The following MAPKAPK3 variants were observed in gnomAD, a reference collection of about 807,000 sequenced individuals.
MAPKAPK3 encodes the protein MAP kinase-activated protein kinase 3.
A neutral mutation model predicts 49.2 loss-of-function variants in MAPKAPK3; 35 were observed. That is an observed-to-expected ratio of 0.71 (90% CI 0.54 to 0.94). MAPKAPK3 has a LOEUF of 0.94. Among genes scored for constraint, MAPKAPK3 ranks in the 40% least tolerant of loss-of-function variants. The pLI is 0.00. For synonymous variants in MAPKAPK3, 178 were observed against 188.7 expected (o/e 0.94, Z 0.46); for missense variants, 398 against 493.1 (o/e 0.81, Z 1.83).
intron 2 of MAPKAPK3, among the ~76,000 whole-genome samples, chr3:50,628,839 T>C (rs1361027027): frequency 6.6e-6 from 1 of 152,184 alleles, no homozygotes; most frequent in Non-Finnish European, 1.5e-5. Flanking sequence ...AGTTCACAGA[T>C]GCAAGCTGGG....
At chr3:50,642,720 G>A (rs1172966040) in intron 5 of MAPKAPK3, among the ~76,000 whole-genome samples, 1 of 152,238 alleles carries the variant, frequency 6.6e-6, no homozygotes, top group African/African-American at 2.4e-5. Context: ...TTGCCCAGGG[G>A]CTGTGTAGTT....
rs549819350 is a variant in MAPKAPK3, at chr3:50,646,284, C to T, written c.829+20C>T. The stretch of plus-strand genomic sequence containing the variant: ...AGGATGGTGAGTGAACCTCTCTGTC[C>T]CAGCCTGACTCACCTGGCCCCTGCG... On this transcript the variant is annotated intron_variant, in intron 8 of 10. Transcript: ENST00000621469. 141 of 1,613,770 alleles carry T rather than the reference C, an allele frequency of 8.7e-5. No individual in the cohort carries two copies. The South Asian group carries it at 1.4e-3, about 17-fold the overall frequency.
intron 9 of MAPKAPK3, 90 bp downstream of exon 9, chr3:50,646,915 A>G: frequency 7.4e-7 from 1 of 1,350,748 alleles, no homozygotes; most frequent in African/African-American, 1.4e-5. Context: ...TTGAGGCCCC[A>G]GTGCAGGGCT....
intron 2 of MAPKAPK3, among the ~76,000 whole-genome samples, chr3:50,629,659 G>T (rs994533769): frequency 5.3e-5 from 8 of 152,162 alleles, no homozygotes; most frequent in African/African-American, 1.9e-4. Flanking sequence ...ATGGTCCCTG[G>T]TCTGGGGCAC....
At chr3:50,647,297 C>G in intron 10 of MAPKAPK3, 94 bp downstream of exon 10, 1 of 1,015,876 alleles carries the variant, frequency 9.8e-7, no homozygotes, top group Non-Finnish European at 1.5e-6. Context: ...GGGTCTTTGG[C>G]CCCTTTCTAT....
chr3:50,647,931 A>G lies in MAPKAPK3; in HGVS notation c.1034A>G (p.Asp345Gly). 6.2e-7 allele frequency: 1 copy of G among 1,614,006 alleles called. No homozygotes were observed. Among genetic ancestry groups the G allele is most frequent in the Non-Finnish European group, 8.5e-7 (1 of 1,179,984 alleles). ...AGTGCCTTGGCCACTATGCGGGTAGACTACGACCAGGTGAAGATCAAGGAC... is the reference window on the plus strand; with the variant it reads ...AGTGCCTTGGCCACTATGCGGGTAGGCTACGACCAGGTGAAGATCAAGGAC... The part of the protein sequence containing the change: ...MTSALATMRV[D>G]YDQVKIKDLK... Residue 345 changes from aspartate to glycine, a missense_variant, in exon 11 of 11, where the codon GAC becomes GGC. By Grantham distance (94) the Asp-to-Gly change is moderately conservative. Transcript: ENST00000621469.
chr3:50,644,276 CG>C, intron 5 of MAPKAPK3, 132 bp from the exon 6 acceptor site: 1 of 1,042,092 alleles, frequency 9.6e-7, no homozygotes, highest in Non-Finnish European at 1.4e-6. Flanking sequence ...GGGCAAGGCC[CG>C]GGTCTTTTTA....
intron 2 of MAPKAPK3, among the ~76,000 whole-genome samples, chr3:50,636,848 GC>G (rs2033051781): frequency 6.6e-6 from 1 of 152,074 alleles, no homozygotes; most frequent in Non-Finnish European, 1.5e-5. Flanking sequence ...GGATTTCTTG[GC>G]AGCTGGACCT....
intron 2 of MAPKAPK3, among the ~76,000 whole-genome samples, chr3:50,631,702 T>C (rs1486369784): frequency 1.3e-5 from 2 of 152,238 alleles, no homozygotes; most frequent in South Asian, 2.1e-4. Context: ...ATCTTAGAGA[T>C]GGCTGAGTCG....
At chr3:50,638,475 C>A (rs1174595516) in intron 2 of MAPKAPK3, among the ~76,000 whole-genome samples, 1 of 152,166 alleles carries the variant, frequency 6.6e-6, no homozygotes, top group East Asian at 1.9e-4. Flanking sequence ...AGCAAGGATC[C>A]ATGGTGTCCA....
In MAPKAPK3 at chr3:50,632,234, A is replaced by C. The variant is rs113368262; in HGVS notation, c.220-8132A>C. Among the ~76,000 whole-genome samples the C allele has an allele frequency of 4.6e-5, 7 of 152,360 alleles. 2 individuals are homozygous for C. Among genetic ancestry groups the C allele is most frequent in the African/African-American group, 1.7e-4 (7 of 41,588 alleles). On this transcript the variant is annotated intron_variant, in intron 2 of 10. Coordinates refer to ENST00000621469, the MANE Select transcript of MAPKAPK3 (RefSeq NM_001243925.2). The stretch of plus-strand genomic sequence containing the variant: ...CCCTTTTAGAATTTCGTCCTAGAAA[A>C]TGTTCAGTGAATATCTGTGCTCCTC...
chr3:50,613,254 G>A (rs1281850415), upstream of MAPKAPK3, among the ~76,000 whole-genome samples: 1 of 152,222 alleles, frequency 6.6e-6, no homozygotes, highest in Non-Finnish European at 1.5e-5. Flanking sequence ...AGGGAAGACA[G>A]GGCTCAGTTT....
chr3:50,624,382 G>A (rs1179078318), intron 2 of MAPKAPK3, among the ~76,000 whole-genome samples: 5 of 152,258 alleles, frequency 3.3e-5, no homozygotes, highest in African/African-American at 9.6e-5. Flanking sequence ...TTTCCCACTC[G>A]CAGACCTGTG....
intron 2 of MAPKAPK3, among the ~76,000 whole-genome samples, chr3:50,635,449 A>ATTTTTT (rs2033014161): frequency 2.9e-5 from 2 of 68,300 alleles, no homozygotes; most frequent in Non-Finnish European, 2.6e-5. Context: ...ATGGAGTTTC[A>ATTTTTT]TTCTGTCATC....
At chr3:50,646,404 C>T in intron 8 of MAPKAPK3, 140 bp downstream of exon 8, 3 of 1,206,530 alleles carry the variant, frequency 2.5e-6, no homozygotes, top group Non-Finnish European at 3.5e-6. Context: ...TAGGCAAGTC[C>T]CCTAACCTTC....
chr3:50,625,891 C>T (rs917078194), intron 2 of MAPKAPK3, among the ~76,000 whole-genome samples: 2 of 152,060 alleles, frequency 1.3e-5, no homozygotes, highest in South Asian at 2.1e-4. Context: ...CAGCGGGCAG[C>T]TCACTCCCCC....
At chr3:50,611,903 A>G (rs1373125141), upstream of MAPKAPK3, 3 of 485,828 alleles carry the variant, frequency 6.2e-6, no homozygotes, top group African/African-American at 2.0e-5. Context: ...TCTTCCTAGA[A>G]CCGCGGGCTG....
At chr3:50,622,251 C>T (rs2032627190) in intron 2 of MAPKAPK3, among the ~76,000 whole-genome samples, 1 of 152,196 alleles carries the variant, frequency 6.6e-6, no homozygotes, top group African/African-American at 2.4e-5. Flanking sequence ...TTTGAGATTA[C>T]ACAGGGATGC....
chr3:50,614,448 T>C (rs561852672), upstream of MAPKAPK3, among the ~76,000 whole-genome samples: 50 of 151,990 alleles, frequency 3.3e-4, no homozygotes, highest in Middle Eastern at 3.4e-3. Flanking sequence ...GTCTCGCTCA[T>C]TTGGCCTCCA....
Sources: gnomAD v4.1 joint callset for allele counts (sites outside exome capture counted in the v4.1 genomes callset) on GRCh38, gnomAD v4.1.1 for gene constraint, MANE v1.5 for transcripts, NCBI Gene and HGNC (gene_info 2026-07-23, HGNC 2026-07-21) for gene names.